The following SULT2B1 variants were observed in gnomAD, a reference collection of about 807,000 sequenced individuals.
SULT2B1 encodes the protein sulfotransferase 2B1.
SULT2B1 carries 16 observed loss-of-function variants against 33.2 expected under a neutral mutation model. The observed-to-expected ratio is 0.48, with a 90% confidence interval of 0.33 to 0.73. The LOEUF is 0.73. Ranked by LOEUF, SULT2B1 falls within the 30% of genes least tolerant of loss-of-function variation. The pLI is 0.02. For missense variants in SULT2B1, 500 were observed against 506.0 expected, an observed-to-expected ratio of 0.99 and a Z score of 0.11; for synonymous variants, 186 against 200.5, an observed-to-expected ratio of 0.93 and a Z score of 0.61.
intron 1 of SULT2B1, among the ~76,000 whole-genome samples, chr19:48,572,243 G>A (rs1035899475): frequency 3.9e-5 from 6 of 152,050 alleles, no homozygotes; most frequent in African/African-American, 9.7e-5. Flanking sequence ...TGCTGGGAGC[G>A]GTGGCTCATG....
chr19:48,564,568 A>G (rs959094114), intron 1 of SULT2B1, among the ~76,000 whole-genome samples: 133 of 150,880 alleles, frequency 8.8e-4, no homozygotes, highest in African/African-American at 2.9e-3. Context: ...AAAAAAAAAA[A>G]AAAAAAAGAA....
At chr19:48,589,167 AGGG>A (rs1463115563) in intron 3 of SULT2B1, among the ~76,000 whole-genome samples, 2 of 152,172 alleles carry the variant, frequency 1.3e-5, no homozygotes, top group Non-Finnish European at 2.9e-5. Context: ...TGGCTGGACT[AGGG>A]TGATGGTCAC....
At chr19:48,562,754 A>G (rs138578215) in intron 1 of SULT2B1, among the ~76,000 whole-genome samples, 1,544 of 152,150 alleles carry the variant, frequency 0.01, 18 homozygotes, top group Non-Finnish European at 0.014. Flanking sequence ...ATCTCAGCTC[A>G]TTGCAACCAC....
At chr19:48,581,234 G>T (rs1452953804) in intron 2 of SULT2B1, among the ~76,000 whole-genome samples, 1 of 148,430 alleles carries the variant, frequency 6.7e-6, no homozygotes, top group Non-Finnish European at 1.5e-5. Flanking sequence ...AGTAGATCGG[G>T]GGTTTCTCCA....
chr19:48,570,925 T>C lies in SULT2B1; in HGVS notation c.72-5016T>C, dbSNP rs568554011. ...TTTTAGTAGAGACGGGGTTTCACCA[T>C]GTTAGCCAGGATGGTCTCGATCTCC... On this transcript the variant is annotated intron_variant, in intron 1 of 6. Transcript: ENST00000201586. Among the ~76,000 whole-genome samples the C allele has an allele frequency of 1.6e-3, 241 of 151,920 alleles. 1 individual carries two copies. Among genetic ancestry groups the C allele is most frequent in the African/African-American group, 5.6e-3 (231 of 41,492 alleles).
intron 5 of SULT2B1, among the ~76,000 whole-genome samples, chr19:48,595,593 C>A (rs1291729281): frequency 6.6e-6 from 1 of 151,210 alleles, no homozygotes; most frequent in East Asian, 1.9e-4. Flanking sequence ...ATGGTGAGTC[C>A]CAGAAGGAGA....
chr19:48,564,539 G>A (rs531047590), intron 1 of SULT2B1, among the ~76,000 whole-genome samples: 31 of 107,776 alleles, frequency 2.9e-4, no homozygotes, highest in Non-Finnish European at 4.8e-4. Context: ...GCAACAGAGC[G>A]AGACTCCGTC....
intron 5 of SULT2B1, among the ~76,000 whole-genome samples, chr19:48,594,012 A>C (rs1429719367): frequency 6.6e-6 from 1 of 151,800 alleles, no homozygotes; most frequent in Non-Finnish European, 1.5e-5. Flanking sequence ...TAATCCCAAC[A>C]CTTTGGGAGG....
intron 1 of SULT2B1, among the ~76,000 whole-genome samples, chr19:48,558,042 C>T (rs1385150732): frequency 2.0e-5 from 3 of 152,180 alleles, no homozygotes. Context: ...ATGTTATAAT[C>T]CCTGTAACAT....
rs547897858 is a variant in SULT2B1, at chr19:48,593,097, G to A, written c.645+281G>A. Among the ~76,000 whole-genome samples the A allele has an allele frequency of 2.6e-5, 4 of 152,302 alleles. No homozygotes were observed. The South Asian group carries it at 8.3e-4, about 32-fold the overall frequency. On this transcript the variant is annotated intron_variant, in intron 5 of 6. Coordinates refer to ENST00000201586, the MANE Select transcript of SULT2B1 (RefSeq NM_177973.2). ...GTCAGGGGCGAGATTTAACCCAGGAGGGTTGGCCGGACACAGTGGTAGTGG... is the reference window on the plus strand; with the variant it reads ...GTCAGGGGCGAGATTTAACCCAGGAAGGTTGGCCGGACACAGTGGTAGTGG...
chr19:48,583,356 T>G (rs1224365319), intron 2 of SULT2B1, among the ~76,000 whole-genome samples: 1 of 152,062 alleles, frequency 6.6e-6, no homozygotes, highest in African/African-American at 2.4e-5. Context: ...CCAAAAGAAC[T>G]AAATACTAGG....
rs752324527 is a variant in SULT2B1, at chr19:48,575,950, G to C, written c.81G>C (p.Leu27Phe). 1 of 1,612,544 alleles carries C rather than the reference G, an allele frequency of 6.2e-7. No individual in the cohort carries two copies. Among genetic ancestry groups the C allele is most frequent in the African/African-American group, 1.3e-5 (1 of 74,950 alleles). ...EDDISEISQK[L>F]PGEYFRYKGV... ...CCCCACCTTTCCACAGCCAGAAGTT[G>C]CCAGGTGAATACTTCCGGTACAAGG... The change falls in exon 2 of 7, where the codon TTG becomes TTC. Residue 27 changes from leucine (L) to phenylalanine (F), a missense_variant. Leu to Phe is a conservative substitution (Grantham distance 22). Coordinates refer to ENST00000201586, the MANE Select transcript of SULT2B1 (RefSeq NM_177973.2).
rs769004684 is a variant in SULT2B1 at position 48,592,714 on chromosome 19, G to T, written c.551-8G>T. The T allele has an allele frequency of 1.3e-6, 2 of 1,584,298 alleles. No individual in the cohort carries two copies. Among genetic ancestry groups the T allele is most frequent in the Admixed American group, 1.8e-5 (1 of 55,366 alleles). On this transcript the variant is annotated splice_region_variant and splice_polypyrimidine_tract_variant and intron_variant, in intron 4 of 6. Transcript: ENST00000201586. ...CAGCCCTCACCCCACTTGTCCCTCT[G>T]CCCACAGTGCAGTTTGGCTCCTGGT...
At chr19:48,574,613 A>G (rs974831687) in intron 1 of SULT2B1, among the ~76,000 whole-genome samples, 1 of 152,356 alleles carries the variant, frequency 6.6e-6, no homozygotes, top group South Asian at 2.1e-4. Context: ...GGAGCCAAGC[A>G]CTTAAAATAT....
chr19:48,556,949 CAA>C (rs57288472), intron 1 of SULT2B1, among the ~76,000 whole-genome samples: 1 of 144,278 alleles, frequency 6.9e-6, no homozygotes. Context: ...GACTCTGTCT[CAA>C]AAAAAAAAAA....
At chr19:48,592,884 C>A in intron 5 of SULT2B1, 68 bp downstream of exon 5, 1 of 1,398,754 alleles carries the variant, frequency 7.1e-7, no homozygotes, top group Non-Finnish European at 9.9e-7. Context: ...ACACTCTCCC[C>A]TTCCCGAGGG....
At chr19:48,594,129 C>T (rs377317649) in intron 5 of SULT2B1, among the ~76,000 whole-genome samples, 5 of 151,736 alleles carry the variant, frequency 3.3e-5, no homozygotes, top group Non-Finnish European at 5.9e-5. Context: ...GCCATGGTGG[C>T]GGGCGCCTGT....
chr19:48,584,507 T>C (rs574098778), intron 2 of SULT2B1, among the ~76,000 whole-genome samples: 1 of 150,486 alleles, frequency 6.6e-6, no homozygotes, highest in South Asian at 2.1e-4. Context: ...AGGAGAAATG[T>C]TTACAGGGTC....
intron 2 of SULT2B1, among the ~76,000 whole-genome samples, chr19:48,585,191 C>A (rs1477941327): frequency 1.3e-5 from 2 of 151,960 alleles, no homozygotes; most frequent in African/African-American, 2.4e-5. Flanking sequence ...CAGCCCAGGT[C>A]ACAGAGCGGA....
Sources: allele counts gnomAD v4.1 joint callset (sites outside exome capture counted in the v4.1 genomes callset), GRCh38; gene constraint gnomAD v4.1.1; transcripts MANE v1.5; gene names NCBI Gene and HGNC (gene_info 2026-07-23, HGNC 2026-07-21).